The following DGKQ variants were observed in gnomAD, a reference collection of about 807,000 sequenced individuals.
The protein encoded by DGKQ is diacylglycerol kinase theta.
A neutral mutation model predicts 104.2 loss-of-function variants in DGKQ; 97 were observed. The observed-to-expected ratio is 0.93, with a 90% CI of 0.79 to 1.10. The LOEUF (loss-of-function observed/expected upper bound fraction) is 1.10, where lower values mean the gene tolerates loss of function less well. Among genes scored for constraint, DGKQ ranks in the 50% least tolerant of loss-of-function variants. The pLI, the probability that DGKQ is intolerant of heterozygous loss-of-function variation, is 0.00. For missense variants in DGKQ, 1,465 were observed against 1,352.1 expected, an observed-to-expected ratio of 1.08 and a Z score of -1.31; for synonymous variants, 736 against 595.2, an observed-to-expected ratio of 1.24 and a Z score of -3.44.
rs546880626 is a variant in DGKQ at position 965,423 on chromosome 4, G to C, written c.1618+68C>G. ...AAGGTCAGGTGCTACGTGAGGGCCA[G>C]GGCTGTCCCACTTCACCCCAGGAAC... On this transcript the variant is annotated intron_variant, in intron 14 of 22. Coordinates refer to ENST00000273814, the MANE Select transcript of DGKQ (RefSeq NM_001347.4). 8.3e-6 allele frequency: 13 copies of C among 1,570,564 alleles called. No individual in the cohort carries two copies. In the Admixed American group the frequency reaches 2.3e-4, roughly 28 times the overall value.
intron 16 of DGKQ, 57 bp from the exon 17 acceptor site, chr4:962,977 C>A: frequency 1.3e-6 from 2 of 1,554,492 alleles, no homozygotes; most frequent in Non-Finnish European, 1.7e-6. Context: ...ATCCCCCACC[C>A]AGGCTGCCTC....
In DGKQ at chr4:960,459, G is replaced by A. The variant is rs3733345; in HGVS notation, c.*161C>T. On this transcript the variant is annotated 3_prime_UTR_variant, in exon 23 of 23. Coordinates refer to ENST00000273814, the MANE Select transcript of DGKQ (RefSeq NM_001347.4). ...CATGTGTCACCAATGGGATGAGGGC[G>A]GGTCCCGCTCCGTCACTGGGAAGAT... The A allele has an allele frequency of 2.3e-4, 144 of 639,066 alleles. No individual in the cohort carries two copies. In the Middle Eastern group the frequency reaches 2.4e-3, roughly 11 times the overall value. 39.6% of individuals were successfully genotyped at this position (639,066 alleles called of 1,614,324 possible).
chr4:966,923 C>T, intron 10 of DGKQ, 41 bp downstream of exon 10: 1 of 1,547,960 alleles, frequency 6.5e-7, no homozygotes, highest in Non-Finnish European at 8.7e-7. Context: ...CGACCCCCCA[C>T]CGAGTCTGGC....
rs1560510617 is a variant in DGKQ, at chr4:961,697, TTGA to T, written c.2450_2452del (p.Ile817del). On this transcript the variant is annotated inframe_deletion, in exon 20 of 23. Transcript: ENST00000273814. ...CCCCGCCCGCGAGCACCTGGGGATG[TTGA>T]TGAAGATGAGGCCTTCAATACTGGG... 6.2e-7 allele frequency: 1 copy of T among 1,612,598 alleles called. No homozygotes were observed. Among genetic ancestry groups the T allele is most frequent in the Non-Finnish European group, 8.5e-7 (1 of 1,179,910 alleles).
Position 966,809 on chromosome 4 carries a change from G to C in DGKQ, c.1312-7C>G. 6.2e-7 allele frequency: 1 copy of C among 1,608,568 alleles called. No homozygotes were observed. Among genetic ancestry groups the C allele is most frequent in the Non-Finnish European group, 8.5e-7 (1 of 1,178,122 alleles). On this transcript the variant is annotated splice_polypyrimidine_tract_variant and splice_region_variant and intron_variant, in intron 10 of 22. Coordinates refer to ENST00000273814, the MANE Select transcript of DGKQ (RefSeq NM_001347.4). The stretch of plus-strand genomic sequence containing the variant: ...AGCTCTCGGGACTCTCGGCCTGTTG[G>C]GGTAGAGCTTGGCATCGGGTCTGGG...
chr4:972,515 C>T (rs1034121922), intron 1 of DGKQ, among the ~76,000 whole-genome samples: 1 of 148,616 alleles, frequency 6.7e-6, no homozygotes, highest in Non-Finnish European at 1.5e-5. Context: ...CAGTAAGTGT[C>T]AAACGTCCAG....
chr4:963,348 G>A lies in DGKQ; in HGVS notation c.1735-58C>T, dbSNP rs1712039370. On this transcript the variant is annotated intron_variant, in intron 15 of 22. Transcript: ENST00000273814. ...CCCAAGGTGGGGTGTCCCCACTGCT[G>A]GGGTTGCCAGGCAGTGCCCAGCCCC... 3.3e-6 allele frequency: 5 copies of A among 1,509,494 alleles called. No individual in the cohort carries two copies. The African/African-American group carries it at 4.1e-5, about 12-fold the overall frequency. The allele number at this position is 1,509,494 out of a possible 1,614,324, so 93.5% of individuals were successfully genotyped here. A position where few individuals can be genotyped will look rare whatever the true frequency, so the allele number is the denominator to read the frequency against.
At position 968,263 on chromosome 4, in the gene DGKQ, T is replaced by G; in HGVS notation, c.663+19A>C. 1.9e-5 allele frequency: 8 copies of G among 425,754 alleles called. No homozygotes were observed. The highest frequency in any genetic ancestry group is 2.0e-4 in the East Asian group (2 of 10,154). 26.4% of individuals were successfully genotyped at this position (425,754 alleles called of 1,614,324 possible). ...CCTCTCCTGCCCCACCCCCACCCCC[T>G]CGACTTCCCAGCGCCCACCTGGACC... On this transcript the variant is annotated intron_variant, in intron 5 of 22. Transcript: ENST00000273814.
chr4:961,635 C>G, intron 20 of DGKQ, 53 bp downstream of exon 20: 2 of 1,610,722 alleles, frequency 1.2e-6, no homozygotes, highest in Non-Finnish European at 1.7e-6. Flanking sequence ...GAGGGCTGAG[C>G]CTGCCCATGG....
rs1463262846 is a variant in DGKQ at position 967,794 on chromosome 4, C to T, written c.820G>A (p.Gly274Ser). 1 of 1,601,792 alleles carries T rather than the reference C, an allele frequency of 6.2e-7. No homozygotes were observed. The highest frequency in any genetic ancestry group is 1.7e-5 in the Admixed American group (1 of 58,394). The change falls in exon 7 of 23, where the codon GGC becomes AGC. Residue 274 changes from glycine to serine, a missense_variant. Physicochemically the swap from Gly to Ser is moderately conservative, Grantham distance 56 (BLOSUM62 0). Coordinates refer to ENST00000273814, the MANE Select transcript of DGKQ (RefSeq NM_001347.4). The stretch of plus-strand genomic sequence containing the variant: ...GCAGCGCTCCCGTCGGCGCCGTCGC[C>T]CCCCTCGCCTGCGGGTCGGGCACAC... Reference protein sequence around the residue: ...IVEAAEPGEGGDGADGSAAVG... With the variant: ...IVEAAEPGEGSDGADGSAAVG...
In DGKQ at chr4:960,593, C is replaced by T. The variant is rs757886916; in HGVS notation, c.*27G>A. ...AAGGCTGGCGGGAGCAGAGATGGCT[C>T]GAGCCCTTGGGCTGCCCCAGCCACC... On this transcript the variant is annotated 3_prime_UTR_variant, in exon 23 of 23. Transcript: ENST00000273814. The T allele has an allele frequency of 3.6e-5, 58 of 1,595,972 alleles. No individual in the cohort carries two copies. Among genetic ancestry groups the T allele is most frequent in the East Asian group, 1.8e-4 (8 of 44,660 alleles).
rs542049178 is a variant in DGKQ, at chr4:967,004, C to T, written c.1271G>A (p.Arg424His). ...SVRVTPKSTA[R>H]SVVLEVLPLL... ...CGGCAGGACCTCCAGCACCACAGAG[C>T]GGGCCGTGCTCTTCGGGGTCACTCG... The change falls in exon 10 of 23, where the codon CGC becomes CAC. Residue 424 changes from arginine (R) to histidine (H), a missense_variant. Coordinates refer to ENST00000273814, the MANE Select transcript of DGKQ (RefSeq NM_001347.4). The T allele has an allele frequency of 7.7e-6, 12 of 1,565,214 alleles. No individual in the cohort carries two copies. Among genetic ancestry groups the T allele is most frequent in the East Asian group, 2.4e-5 (1 of 41,898 alleles).
chr4:963,252 C>A lies in DGKQ; in HGVS notation c.1773G>T (p.Val591=). The A allele has an allele frequency of 6.2e-7, 1 of 1,610,802 alleles. No homozygotes were observed. The highest frequency in any genetic ancestry group is 8.5e-7 in the Non-Finnish European group (1 of 1,178,298). Residue 591 remains valine, a synonymous_variant, in exon 16 of 23, where the codon GTG becomes GTT. Transcript: ENST00000273814. ...KLPPDSCPLL[V]FVNPKSGGLK... ...GGCCTCCACTCTTGGGGTTCACGAACACAAGGAGGGGACAGCTGTCTGGGG... is the reference window on the plus strand; with the variant it reads ...GGCCTCCACTCTTGGGGTTCACGAAAACAAGGAGGGGACAGCTGTCTGGGG...
intron 1 of DGKQ, among the ~76,000 whole-genome samples, chr4:972,671 G>T (rs1713028489): frequency 6.7e-6 from 1 of 150,102 alleles, no homozygotes; most frequent in African/African-American, 2.4e-5. Context: ...CCTGCTTGCC[G>T]CGGGGGAAGA....
rs773775949 is a variant in DGKQ at position 966,477 on chromosome 4, C to T, written c.1417G>A (p.Asp473Asn). ...CCACACCCACTCACCTGCCGGATGT[C>T]CTGTAGCCGGTCCAGCAGGGGCTGT... Reference protein sequence around the residue: ...DEQPLLDRLQDIRQMSVRQVS... With the variant: ...DEQPLLDRLQNIRQMSVRQVS... Residue 473 changes from aspartate to asparagine, a missense_variant, in exon 12 of 23, where the codon GAC (aspartate) becomes AAC (asparagine). Physicochemically the swap from Asp to Asn is conservative, Grantham distance 23. Coordinates refer to ENST00000273814, the MANE Select transcript of DGKQ (RefSeq NM_001347.4). 4 of 1,612,534 alleles carry T rather than the reference C, an allele frequency of 2.5e-6. No homozygotes were observed. The highest frequency in any genetic ancestry group is 3.4e-6 in the Non-Finnish European group (4 of 1,179,718).
In DGKQ at chr4:965,971, G is replaced by C. The variant is rs150690148; in HGVS notation, c.1536C>G (p.Pro512=). ...FVGGLPPGLS[P]EEYSSLLHEA... ...CATGCAGCAGGCTGCTGTACTCCTC[G>C]GGAGACAGGCCGGGAGGCAGGCCGC... The change falls in exon 13 of 23, where the codon CCC becomes CCG. Residue 512 remains proline, a synonymous_variant. Coordinates refer to ENST00000273814, the MANE Select transcript of DGKQ (RefSeq NM_001347.4). The C allele has an allele frequency of 1.9e-6, 3 of 1,605,532 alleles. No homozygotes were observed. Among genetic ancestry groups the C allele is most frequent in the Admixed American group, 3.4e-5 (2 of 59,030 alleles).
chr4:966,611 G>A (rs1712366504), intron 11 of DGKQ, 84 bp from the exon 12 acceptor site: 1 of 1,523,360 alleles, frequency 6.6e-7, no homozygotes, highest in Non-Finnish European at 8.9e-7. Flanking sequence ...AGGGCCCGTG[G>A]GGATGCAGGG....
At position 971,610 on chromosome 4, in the gene DGKQ, A is replaced by G. The variant is rs1712938900; in HGVS notation, c.272-538T>C. 6.6e-6 allele frequency among the ~76,000 whole-genome samples: 1 copy of G among 152,170 alleles called. No individual in the cohort carries two copies. Among genetic ancestry groups the G allele is most frequent in the Non-Finnish European group, 1.5e-5 (1 of 68,008 alleles). On this transcript the variant is annotated intron_variant, in intron 1 of 22. Transcript: ENST00000273814. This position sits in a 1 kb window ranked among gnomAD's most constrained non-coding sequence, Gnocchi z 4.0. ...GGAGTGGACAGCCCCAAGCCTCCCA[A>G]GGAGCTCTGGCTGTGTGCATAGGAC... is the stretch of plus-strand genomic sequence containing the variant.
intron 14 of DGKQ, 69 bp downstream of exon 14, chr4:965,421 CA>C: frequency 6.4e-7 from 1 of 1,568,714 alleles, no homozygotes; most frequent in South Asian, 1.1e-5. Flanking sequence ...ACGTGAGGGC[CA>C]GGGCTGTCCC....
Sources: allele counts gnomAD v4.1 joint callset (sites outside exome capture counted in the v4.1 genomes callset), GRCh38; gene constraint gnomAD v4.1.1; non-coding constraint Gnocchi (gnomAD v3.1); transcripts MANE v1.5; gene names NCBI Gene and HGNC (gene_info 2026-07-23, HGNC 2026-07-21).